SLCO2A1: variants seen among roughly 807,000 people sequenced by gnomAD.
SLCO2A1 encodes the protein matrin F/G 1.
In SLCO2A1, 60 loss-of-function variants were observed where a neutral mutation model predicts 71.7. The observed-to-expected ratio is 0.84, with a 90% CI of 0.68 to 1.04. The LOEUF (loss-of-function observed/expected upper bound fraction) is 1.04. Among genes scored for constraint, SLCO2A1 ranks in the 50% least tolerant of loss-of-function variants. The probability of loss-of-function intolerance (pLI) is 0.00; values close to 1 mark genes in which losing one functional copy is unlikely to be tolerated. For synonymous variants in SLCO2A1, 308 were observed against 326.7 expected, an observed-to-expected ratio of 0.94 and a Z score of 0.62; for missense variants, 745 against 813.4, an observed-to-expected ratio of 0.92 and a Z score of 1.02.
At chr3:133,947,064 G>A (rs1285898291) in intron 9 of SLCO2A1, among the ~76,000 whole-genome samples, 192 bp downstream of exon 9, 1 of 152,006 alleles carries the variant, frequency 6.6e-6, no homozygotes. Context: ...AACCTGGGAG[G>A]TGGAGTTTGC....
chr3:133,937,654 T>C (rs905413554), intron 12 of SLCO2A1, among the ~76,000 whole-genome samples: 1 of 152,120 alleles, frequency 6.6e-6, no homozygotes, highest in African/African-American at 2.4e-5. Context: ...CTTGCTGGAG[T>C]CTCCATATTC....
intron 1 of SLCO2A1, among the ~76,000 whole-genome samples, chr3:133,992,746 G>A (rs940297635): frequency 6.6e-6 from 1 of 152,172 alleles, no homozygotes; most frequent in Admixed American, 6.5e-5. Context: ...CTTCAGAGAG[G>A]TGTCTGTCCA....
intron 2 of SLCO2A1, 38 bp downstream of exon 2, chr3:133,979,443 C>G (rs1315572075): frequency 1.2e-6 from 2 of 1,613,596 alleles, no homozygotes; most frequent in East Asian, 4.5e-5. Context: ...CAGCGTGGTG[C>G]ACAAGTGGAG....
At chr3:133,973,377 C>A (rs1934373978) in intron 3 of SLCO2A1, among the ~76,000 whole-genome samples, 1 of 152,310 alleles carries the variant, frequency 6.6e-6, no homozygotes, top group South Asian at 2.1e-4. Flanking sequence ...CTCCTCCTGC[C>A]AAGCCCCATT....
At chr3:133,956,374 C>T (rs1042142077) in intron 3 of SLCO2A1, among the ~76,000 whole-genome samples, 82 of 152,296 alleles carry the variant, frequency 5.4e-4, no homozygotes, top group African/African-American at 1.2e-4. Flanking sequence ...CAGTCGCACA[C>T]GCCTCGTCCA....
At chr3:133,978,440 TG>T (rs1934510638) in intron 2 of SLCO2A1, among the ~76,000 whole-genome samples, 1 of 152,094 alleles carries the variant, frequency 6.6e-6, no homozygotes, top group South Asian at 2.1e-4. Context: ...AAAGTGGTCC[TG>T]GGGTCACTGC....
chr3:133,935,705 G>T, intron 13 of SLCO2A1, 69 bp downstream of exon 13: 3 of 1,455,140 alleles, frequency 2.1e-6, no homozygotes, highest in Non-Finnish European at 2.8e-6. Flanking sequence ...GTAGCCACTG[G>T]GCATATGACT....
At chr3:133,953,795 T>G in intron 4 of SLCO2A1, 34 bp from the exon 5 acceptor site, 1 of 1,568,246 alleles carries the variant, frequency 6.4e-7, no homozygotes, top group Non-Finnish European at 8.8e-7. Context: ...GAGACTGAGA[T>G]AAATGGAGAG....
intron 3 of SLCO2A1, among the ~76,000 whole-genome samples, chr3:133,961,499 A>G (rs756024360): frequency 2.0e-5 from 3 of 152,212 alleles, no homozygotes; most frequent in Non-Finnish European, 4.4e-5. Context: ...GTCATCAAAG[A>G]TGGTAAAAAC....
intron 9 of SLCO2A1, 74 bp from the exon 10 acceptor site, chr3:133,945,334 G>A (rs997057712): frequency 7.1e-7 from 1 of 1,417,910 alleles, no homozygotes; most frequent in African/African-American, 1.4e-5. Context: ...AGCCCAGTGT[G>A]AGTTCCTGGC....
chr3:133,993,952 A>T (rs1407014352), intron 1 of SLCO2A1, among the ~76,000 whole-genome samples: 1 of 152,166 alleles, frequency 6.6e-6, no homozygotes, highest in Non-Finnish European at 1.5e-5. Context: ...CAGAGTGAGA[A>T]AGTGGGGCTT....
chr3:134,010,416 G>A (rs1935308996), intron 1 of SLCO2A1, among the ~76,000 whole-genome samples: 1 of 152,068 alleles, frequency 6.6e-6, no homozygotes, highest in Non-Finnish European at 1.5e-5. Flanking sequence ...GGGAGAGAGA[G>A]CAAGAGTGAG....
intron 1 of SLCO2A1, among the ~76,000 whole-genome samples, chr3:133,992,017 C>A (rs541913821): frequency 6.6e-6 from 1 of 152,324 alleles, no homozygotes; most frequent in South Asian, 2.1e-4. Context: ...CCACCTTTAA[C>A]ACTGCCTGGG....
chr3:133,988,680 T>C (rs1934768016), intron 1 of SLCO2A1, among the ~76,000 whole-genome samples: 1 of 152,178 alleles, frequency 6.6e-6, no homozygotes, highest in South Asian at 2.1e-4. Context: ...CTGAGGACCA[T>C]GCTGCTGTTC....
chr3:133,989,018 CT>C (rs1259915497), intron 1 of SLCO2A1, among the ~76,000 whole-genome samples: 1 of 152,226 alleles, frequency 6.6e-6, no homozygotes, highest in Non-Finnish European at 1.5e-5. Flanking sequence ...GGCTACTCTC[CT>C]TGCAACCCTC....
At chr3:133,953,795 T>A (rs2108045074) in intron 4 of SLCO2A1, 34 bp from the exon 5 acceptor site, 1 of 1,568,246 alleles carries the variant, frequency 6.4e-7, no homozygotes, top group Non-Finnish European at 8.8e-7. Context: ...GAGACTGAGA[T>A]AAATGGAGAG....
chr3:133,954,312 G>A (rs545710495), intron 4 of SLCO2A1, among the ~76,000 whole-genome samples: 47 of 151,700 alleles, frequency 3.1e-4, no homozygotes, highest in African/African-American at 9.2e-4. Context: ...ACAGGTATGC[G>A]CCACCATGCC....
At chr3:134,001,738 C>G (rs1337974294) in intron 1 of SLCO2A1, among the ~76,000 whole-genome samples, 1 of 152,114 alleles carries the variant, frequency 6.6e-6, no homozygotes, top group African/African-American at 2.4e-5. Context: ...GAAAAGCTCC[C>G]CCAGGTTCCA....
intron 12 of SLCO2A1, 127 bp from the exon 13 acceptor site, chr3:133,936,024 T>C (rs1412965794): frequency 8.6e-6 from 8 of 934,456 alleles, no homozygotes; most frequent in African/African-American, 5.0e-5. Flanking sequence ...CCCATAGGAC[T>C]CACAGTGACT....
Sources: allele counts gnomAD v4.1 joint callset (sites outside exome capture counted in the v4.1 genomes callset), GRCh38; gene constraint gnomAD v4.1.1; transcripts MANE v1.5; gene names NCBI Gene and HGNC (gene_info 2026-07-23, HGNC 2026-07-21).